The following DOCK3 variants were observed in gnomAD, a reference collection of about 807,000 sequenced individuals.
DOCK3 encodes dedicator of cytokinesis protein 3.
A neutral mutation model predicts 265.6 loss-of-function variants in DOCK3; 60 were observed. That is an observed-to-expected ratio of 0.23 (90% CI 0.18 to 0.28). The LOEUF (loss-of-function observed/expected upper bound fraction) is 0.28, where lower values mean the gene tolerates loss of function less well. DOCK3 is among the 10% of genes least tolerant of loss of function. The pLI, the probability that DOCK3 is intolerant of heterozygous loss-of-function variation, is 1.00. For synonymous variants in DOCK3, 881 were observed against 938.0 expected (o/e 0.94, Z 1.11); for missense variants, 1,981 against 2,594.3 (o/e 0.76, Z 5.14).
intron 12 of DOCK3, among the ~76,000 whole-genome samples, chr3:51,175,278 C>A (rs2086881679): frequency 6.6e-6 from 1 of 151,954 alleles, no homozygotes; most frequent in Admixed American, 6.6e-5. Context: ...ACTTTAAGAT[C>A]CAAAGTCAGA....
In DOCK3 at chr3:51,260,152, T is replaced by C; in HGVS notation, c.2185-4T>C. The stretch of plus-strand genomic sequence containing the variant: ...TCCATCACTTTTTCTCCCACACTTT[T>C]CAGGCCTTGGAGTACCTTTTCAAGT... On this transcript the variant is annotated splice_polypyrimidine_tract_variant and splice_region_variant and intron_variant, in intron 22 of 52. Coordinates refer to ENST00000266037, the MANE Select transcript of DOCK3 (RefSeq NM_004947.5). 3 of 1,611,806 alleles carry C rather than the reference T, an allele frequency of 1.9e-6. No individual in the cohort carries two copies. The highest frequency in any genetic ancestry group is 1.1e-5 in the South Asian group (1 of 90,762).
At chr3:51,314,473 C>T (rs780613241) in intron 31 of DOCK3, among the ~76,000 whole-genome samples, 2 of 152,172 alleles carry the variant, frequency 1.3e-5, no homozygotes, top group Non-Finnish European at 2.9e-5. Flanking sequence ...TGAACATAGG[C>T]AGTGTAAAAA....
intron 12 of DOCK3, among the ~76,000 whole-genome samples, chr3:51,161,337 G>A (rs1239708370): frequency 5.3e-5 from 8 of 149,690 alleles, no homozygotes; most frequent in African/African-American, 1.7e-4. Flanking sequence ...CCAGCTACTC[G>A]GGAGGCTGAG....
intron 5 of DOCK3, among the ~76,000 whole-genome samples, chr3:50,947,864 T>C (rs986517562): frequency 2.0e-5 from 3 of 149,784 alleles, no homozygotes; most frequent in South Asian, 2.1e-4. Context: ...GTTTTTCTTT[T>C]TTTTTTTTTT....
At chr3:51,303,252 G>C (rs754262721) in intron 27 of DOCK3, among the ~76,000 whole-genome samples, 1 of 152,064 alleles carries the variant, frequency 6.6e-6, no homozygotes, top group Non-Finnish European at 1.5e-5. Context: ...TGTATTTTCA[G>C]CTCTGTGAGG....
At chr3:51,293,707 A>G (rs149760563) in intron 27 of DOCK3, among the ~76,000 whole-genome samples, 3 of 152,338 alleles carry the variant, frequency 2.0e-5, no homozygotes, top group African/African-American at 7.2e-5. Context: ...TGCAAATTAC[A>G]TGTCAGATAA....
At chr3:50,694,646 T>TA (rs1186844869) in intron 1 of DOCK3, among the ~76,000 whole-genome samples, 3 of 151,938 alleles carry the variant, frequency 2.0e-5, no homozygotes, top group East Asian at 2.0e-4. Flanking sequence ...CTGTCTCTAC[T>TA]AAAAAAATAC....
At chr3:50,850,199 G>A (rs2046295217) in intron 3 of DOCK3, among the ~76,000 whole-genome samples, 1 of 151,698 alleles carries the variant, frequency 6.6e-6, no homozygotes, top group Non-Finnish European at 1.5e-5. Flanking sequence ...TGGCCAACAT[G>A]GCAAAACAGA....
chr3:50,793,494 T>C (rs1490958355), intron 2 of DOCK3, among the ~76,000 whole-genome samples: 1 of 151,678 alleles, frequency 6.6e-6, no homozygotes, highest in Non-Finnish European at 1.5e-5. Flanking sequence ...GTAGGTGGGA[T>C]TACAGGCATG....
chr3:51,234,931 G>A (rs1479559349), intron 19 of DOCK3, among the ~76,000 whole-genome samples: 1 of 152,186 alleles, frequency 6.6e-6, no homozygotes, highest in Admixed American at 6.5e-5. Flanking sequence ...GAAAATGGAA[G>A]TATTTTTGGT....
intron 6 of DOCK3, among the ~76,000 whole-genome samples, chr3:51,071,706 A>G (rs1430704255): frequency 6.6e-6 from 1 of 152,204 alleles, no homozygotes; most frequent in African/African-American, 2.4e-5. Flanking sequence ...ATCAGAACCC[A>G]TGCTCCTTAA....
At chr3:51,192,593 T>A (rs1302562984) in intron 12 of DOCK3, among the ~76,000 whole-genome samples, 3 of 151,966 alleles carry the variant, frequency 2.0e-5, no homozygotes, top group African/African-American at 7.3e-5. Context: ...GGGAAACCAT[T>A]CCTCATTCTA....
chr3:51,064,707 T>C (rs1294622193), intron 6 of DOCK3, 111 bp downstream of exon 6: 1 of 1,325,526 alleles, frequency 7.5e-7, no homozygotes, highest in Non-Finnish European at 1.0e-6. Context: ...GGCAATGTTA[T>C]ATTCTTCACT....
At chr3:50,971,165 T>A (rs2077223598) in intron 5 of DOCK3, among the ~76,000 whole-genome samples, 1 of 151,134 alleles carries the variant, frequency 6.6e-6, no homozygotes, top group East Asian at 1.9e-4. Flanking sequence ...TTGAAATCTT[T>A]ATCTGGTATT....
chr3:51,117,354 A>C (rs922216008), intron 9 of DOCK3, among the ~76,000 whole-genome samples: 1 of 152,052 alleles, frequency 6.6e-6, no homozygotes, highest in African/African-American at 2.4e-5. Flanking sequence ...ATGCTGCTGG[A>C]ATTGGGCTTC....
chr3:51,329,623 G>A (rs1210397307), intron 32 of DOCK3, among the ~76,000 whole-genome samples: 1 of 152,122 alleles, frequency 6.6e-6, no homozygotes, highest in Admixed American at 6.6e-5. Flanking sequence ...AGTAGAGCCT[G>A]TTATCCTGAA....
At chr3:51,377,384 C>G (rs969771330) in intron 51 of DOCK3, among the ~76,000 whole-genome samples, 13 of 152,252 alleles carry the variant, frequency 8.5e-5, no homozygotes, top group Admixed American at 2.6e-4. Context: ...TGTCATCATT[C>G]TCTTGTCTGT....
At chr3:51,060,852 A>G (rs2081383582) in intron 5 of DOCK3, among the ~76,000 whole-genome samples, 1 of 152,228 alleles carries the variant, frequency 6.6e-6, no homozygotes, top group African/African-American at 2.4e-5. Context: ...AGTGAACTCA[A>G]ACAAATTTAC....
intron 9 of DOCK3, among the ~76,000 whole-genome samples, chr3:51,120,933 A>G (rs2083984108): frequency 1.3e-5 from 2 of 152,190 alleles, no homozygotes; most frequent in African/African-American, 4.8e-5. Flanking sequence ...GAGCAAGACT[A>G]CTTGGCTTCC....
Sources: allele counts gnomAD v4.1 joint callset (sites outside exome capture counted in the v4.1 genomes callset), GRCh38; gene constraint gnomAD v4.1.1; transcripts MANE v1.5; gene names NCBI Gene and HGNC (gene_info 2026-07-23, HGNC 2026-07-21).